The following LARS2 variants were observed in gnomAD, a reference collection of about 807,000 sequenced individuals.
The protein encoded by LARS2 is leucyl-tRNA synthetase 2, mitochondrial.
In LARS2, 81 loss-of-function variants were observed where a neutral mutation model predicts 116.6. The ratio of observed to expected loss-of-function variants is 0.69; its 90% CI spans 0.58 to 0.84. LARS2 has a LOEUF of 0.84. Among genes scored for constraint, LARS2 ranks in the 40% least tolerant of loss-of-function variants. The pLI, the probability that LARS2 is intolerant of heterozygous loss-of-function variation, is 0.00. For missense variants in LARS2, 968 were observed against 1,114.5 expected, an observed-to-expected ratio of 0.87 and a Z score of 1.87; for synonymous variants, 396 against 407.2, an observed-to-expected ratio of 0.97 and a Z score of 0.33.
At chr3:45,424,612 G>A (rs549378461) in intron 6 of LARS2, among the ~76,000 whole-genome samples, 1 of 152,292 alleles carries the variant, frequency 6.6e-6, no homozygotes, top group South Asian at 2.1e-4. Flanking sequence ...AAGTCTGAGA[G>A]CAGCCAGAAT....
chr3:45,394,417 C>G lies in LARS2; in HGVS notation c.-21-16C>G. 3 of 1,493,586 alleles carry G rather than the reference C, an allele frequency of 2.0e-6. No individual in the cohort carries two copies. The highest frequency in any genetic ancestry group is 2.8e-6 in the Non-Finnish European group (3 of 1,071,734). The allele number at this position is 1,493,586 out of a possible 1,614,324, so 92.5% of individuals were successfully genotyped here. On this transcript the variant is annotated splice_polypyrimidine_tract_variant and intron_variant, in intron 2 of 21. Transcript: ENST00000645846. ...TTTGAGGCAGCTCATAGTGTGCTTT[C>G]TGCCCTCTTTTTCAGGGCCTTCTCA...
intron 9 of LARS2, 151 bp from the exon 10 acceptor site, chr3:45,476,317 A>G (rs1699608209): frequency 2.6e-6 from 2 of 764,742 alleles, no homozygotes; most frequent in Non-Finnish European, 4.5e-6. Context: ...TCTTCCAGGC[A>G]CCATCTCAAT....
chr3:45,434,112 A>G (rs1277319705), intron 6 of LARS2, among the ~76,000 whole-genome samples: 1 of 151,970 alleles, frequency 6.6e-6, no homozygotes, highest in Admixed American at 6.6e-5. Context: ...TTGCATCTGT[A>G]TGTTTCTGTT....
At position 45,479,371 on chromosome 3, in the gene LARS2, C is replaced by G. The variant is rs895623628; in HGVS notation, c.1018+2744C>G. Among the ~76,000 whole-genome samples, 28 of 152,190 alleles carry G rather than the reference C, an allele frequency of 1.8e-4. 1 individual carries two copies. In the East Asian group the frequency reaches 5.0e-3, roughly 27 times the overall value. On this transcript the variant is annotated intron_variant, in intron 10 of 21. Coordinates refer to ENST00000645846, the MANE Select transcript of LARS2 (RefSeq NM_015340.4). Reference sequence around the variant, plus strand: ...GCCAGGGTGATGCTAGAGTGGCAGGCTGGCTGACCCCATTAATTGTGGAAA... The same window carrying G: ...GCCAGGGTGATGCTAGAGTGGCAGGGTGGCTGACCCCATTAATTGTGGAAA...
chr3:45,543,792 A>C (rs1420315079), intron 21 of LARS2, among the ~76,000 whole-genome samples: 1 of 152,154 alleles, frequency 6.6e-6, no homozygotes, highest in Non-Finnish European at 1.5e-5. Flanking sequence ...TAATTTGAGT[A>C]ATGTTTATGA....
At chr3:45,528,925 A>G (rs934890268) in intron 20 of LARS2, among the ~76,000 whole-genome samples, 1 of 151,242 alleles carries the variant, frequency 6.6e-6, no homozygotes, top group Non-Finnish European at 1.5e-5. Flanking sequence ...GCTGGAATGC[A>G]GTAGTACAAT....
At chr3:45,464,019 A>T (rs1699380431) in intron 8 of LARS2, among the ~76,000 whole-genome samples, 1 of 152,150 alleles carries the variant, frequency 6.6e-6, no homozygotes, top group Non-Finnish European at 1.5e-5. Context: ...TGCTGGTGAG[A>T]AGCAGATGGG....
Position 45,491,730 on chromosome 3 carries a change from G to A in LARS2, c.1453G>A (p.Ala485Thr), listed in dbSNP as rs199702518. 54 of 1,613,754 alleles carry A rather than the reference G, an allele frequency of 3.3e-5. No individual in the cohort carries two copies. The highest frequency in any genetic ancestry group is 4.0e-5 in the African/African-American group (3 of 75,026). ...CTTGCCTGTGACCCTGCCCAACATCGCGTCTTTCACTGGCAAGGGAGGCCC... is the reference window on the plus strand; with the variant it reads ...CTTGCCTGTGACCCTGCCCAACATCACGTCTTTCACTGGCAAGGGAGGCCC... ...EDLPVTLPNI[A>T]SFTGKGGPPL... The change falls in exon 13 of 22, where the codon GCG (alanine) becomes ACG (threonine). Residue 485 changes from alanine (A) to threonine (T), a missense_variant. Coordinates refer to ENST00000645846, the MANE Select transcript of LARS2 (RefSeq NM_015340.4).
intron 20 of LARS2, among the ~76,000 whole-genome samples, chr3:45,527,609 G>A (rs1314921312): frequency 5.3e-5 from 8 of 151,652 alleles, no homozygotes; most frequent in Non-Finnish European, 1.0e-4. Flanking sequence ...GGGCGACAGA[G>A]CGAGACTCCG....
chr3:45,400,045 T>G (rs533393453), intron 3 of LARS2, among the ~76,000 whole-genome samples, 200 bp from the exon 4 acceptor site: 2 of 152,218 alleles, frequency 1.3e-5, no homozygotes, highest in Non-Finnish European at 2.9e-5. Flanking sequence ...TGGCATTATT[T>G]TGGACATTCT....
chr3:45,517,995 C>A lies in LARS2; in HGVS notation c.2137C>A (p.Gln713Lys), dbSNP rs773170733. 6.2e-7 allele frequency: 1 copy of A among 1,613,810 alleles called. No homozygotes were observed. The highest frequency in any genetic ancestry group is 8.5e-7 in the Non-Finnish European group (1 of 1,179,708). The change falls in exon 18 of 22, where the codon CAG becomes AAG. Residue 713 changes from glutamine (Q) to lysine (K), a missense_variant. Physicochemically the swap from Gln to Lys is moderately conservative, Grantham distance 53. Transcript: ENST00000645846. ...IEARASGKSP[Q>K]PQLLSNKEKA... ...GGCCAGGGCTTCTGGGAAGTCTCCC[C>A]AGCCTCAGCTGCTGAGTAACAAGGA...
rs561021505 is a variant in LARS2 at position 45,429,058 on chromosome 3, A to G, written c.516+9329A>G. On this transcript the variant is annotated intron_variant, in intron 6 of 21. Transcript: ENST00000645846. ...TATTTATAATCCAGTTTATATGGGA[A>G]TTTCCCACTTGCCCCAAGAATGTCT... Among the ~76,000 whole-genome samples, 3 of 148,886 alleles carry G rather than the reference A, an allele frequency of 2.0e-5. No individual in the cohort carries two copies. The South Asian group carries it at 6.6e-4, about 33-fold the overall frequency.
intron 6 of LARS2, among the ~76,000 whole-genome samples, chr3:45,436,205 A>G (rs1698798246): frequency 6.6e-6 from 1 of 152,160 alleles, no homozygotes; most frequent in Admixed American, 6.5e-5. Context: ...CTCTGGATCC[A>G]TGCCTGTGTC....
intron 8 of LARS2, among the ~76,000 whole-genome samples, chr3:45,473,597 T>A (rs1272037118): frequency 2.0e-5 from 3 of 151,930 alleles, no homozygotes; most frequent in Non-Finnish European, 4.4e-5. Context: ...TTGGCCAGGC[T>A]GGTCTCAAAC....
intron 7 of LARS2, among the ~76,000 whole-genome samples, chr3:45,448,174 G>C (rs1699053188): frequency 6.6e-6 from 1 of 152,116 alleles, no homozygotes; most frequent in Non-Finnish European, 1.5e-5. Flanking sequence ...TAAGGCAAAA[G>C]GAAGAGGAAA....
At chr3:45,443,030 G>A (rs985764304) in intron 6 of LARS2, among the ~76,000 whole-genome samples, 1 of 152,144 alleles carries the variant, frequency 6.6e-6, no homozygotes, top group Non-Finnish European at 1.5e-5. Context: ...GATGCCAGTA[G>A]CACACATACA....
At position 45,440,978 on chromosome 3, in the gene LARS2, G is replaced by T. The variant is rs1013927478; in HGVS notation, c.517-5913G>T. ...GGGTACATCAGCCCACCTCTGAGTG[G>T]TACGGTAATGAAGCCAGCCTCACTC... On this transcript the variant is annotated intron_variant, in intron 6 of 21. Transcript: ENST00000645846. Among the ~76,000 whole-genome samples, 173 of 150,968 alleles carry T rather than the reference G, an allele frequency of 1.1e-3. 1 individual carries two copies. Among genetic ancestry groups the T allele is most frequent in the Admixed American group, 7.9e-4 (12 of 15,176 alleles).
At chr3:45,493,600 C>T (rs1559487028) in intron 13 of LARS2, among the ~76,000 whole-genome samples, 1 of 152,130 alleles carries the variant, frequency 6.6e-6, no homozygotes, top group South Asian at 2.1e-4. Context: ...TGAGCAGTAT[C>T]GGTCTCATAA....
intron 6 of LARS2, among the ~76,000 whole-genome samples, chr3:45,420,672 T>C (rs748864122): frequency 1.3e-5 from 2 of 152,056 alleles, no homozygotes; most frequent in African/African-American, 2.4e-5. Flanking sequence ...GAGGTGCCAA[T>C]AGGGAATCGC....
Sources: allele counts gnomAD v4.1 joint callset (sites outside exome capture counted in the v4.1 genomes callset), GRCh38; gene constraint gnomAD v4.1.1; transcripts MANE v1.5; gene names NCBI Gene and HGNC (gene_info 2026-07-23, HGNC 2026-07-21).